RGS17: variants seen among roughly 807,000 people sequenced by gnomAD.
RGS17 encodes regulator of G protein signaling 17.
In RGS17, 12 loss-of-function variants were observed where a neutral mutation model predicts 25.5. That is an observed-to-expected ratio of 0.47 (90% confidence interval 0.30 to 0.76). The LOEUF (loss-of-function observed/expected upper bound fraction) is 0.76. Ranked by LOEUF, RGS17 falls within the 30% of genes least tolerant of loss-of-function variation. The pLI, the probability that RGS17 is intolerant of heterozygous loss-of-function variation, is 0.07. For missense variants in RGS17, 196 were observed against 242.2 expected (o/e 0.81, Z 1.27); for synonymous variants, 71 against 76.9 (o/e 0.92, Z 0.40).
chr6:153,080,836 CTGT>C (rs2129119183), intron 1 of RGS17, among the ~76,000 whole-genome samples: 2 of 150,686 alleles, frequency 1.3e-5, no homozygotes, highest in South Asian at 4.2e-4. Context: ...CTCATTTCTC[CTGT>C]TTTTTTTTTA....
chr6:153,067,815 A>ACTAG (rs1776731605), intron 1 of RGS17, among the ~76,000 whole-genome samples: 1 of 152,190 alleles, frequency 6.6e-6, no homozygotes. Flanking sequence ...GCTATCTTAA[A>ACTAG]ATTTATATGG....
intron 1 of RGS17, among the ~76,000 whole-genome samples, chr6:153,119,816 C>G (rs543008150): frequency 1.1e-4 from 17 of 152,304 alleles, no homozygotes; most frequent in African/African-American, 4.1e-4. Context: ...GAAATGTGTT[C>G]CAGGGGCACT....
intron 1 of RGS17, among the ~76,000 whole-genome samples, chr6:153,105,632 T>C (rs1562335516): frequency 1.3e-5 from 2 of 151,572 alleles, no homozygotes. Flanking sequence ...GGCAGCAGTA[T>C]GTAAGGTGAA....
At chr6:153,099,209 T>C (rs956487849) in intron 1 of RGS17, among the ~76,000 whole-genome samples, 1 of 152,230 alleles carries the variant, frequency 6.6e-6, no homozygotes, top group Non-Finnish European at 1.5e-5. Flanking sequence ...CACATACTTT[T>C]AAAATGAAAG....
intron 1 of RGS17, among the ~76,000 whole-genome samples, chr6:153,125,513 A>C (rs1777691672): frequency 1.3e-5 from 2 of 152,206 alleles, no homozygotes; most frequent in Admixed American, 1.3e-4. Context: ...CATCATTATA[A>C]ATTCTGAATT....
intron 4 of RGS17, 104 bp downstream of exon 4, chr6:153,024,155 ATCT>A (rs1779274271): frequency 4.4e-6 from 3 of 685,586 alleles, no homozygotes; most frequent in Non-Finnish European, 7.5e-6. Flanking sequence ...ACCCAGTGAA[ATCT>A]TCTACCCTCT....
intron 1 of RGS17, among the ~76,000 whole-genome samples, chr6:153,048,027 G>A (rs1234452870): frequency 6.6e-6 from 1 of 151,994 alleles, no homozygotes; most frequent in Non-Finnish European, 1.5e-5. Context: ...TGAACTCATT[G>A]AGACTTTTTT....
intron 2 of RGS17, among the ~76,000 whole-genome samples, chr6:153,029,209 T>C (rs964151497): frequency 6.6e-6 from 1 of 152,242 alleles, no homozygotes; most frequent in African/African-American, 2.4e-5. Context: ...TTGGCCACAG[T>C]CTTGCCCTGT....
At chr6:153,023,334 G>A (rs1314041038) in intron 4 of RGS17, 1 of 504,590 alleles carries the variant, frequency 2.0e-6, no homozygotes, top group Non-Finnish European at 4.0e-6. Context: ...AGTTGTTTAG[G>A]AGAAACAAAA....
At chr6:153,053,484 C>G (rs1383664756) in intron 1 of RGS17, among the ~76,000 whole-genome samples, 1 of 151,992 alleles carries the variant, frequency 6.6e-6, no homozygotes, top group Non-Finnish European at 1.5e-5. Flanking sequence ...GAAGAAAAAG[C>G]AAAATATTTA....
intron 4 of RGS17, among the ~76,000 whole-genome samples, chr6:153,018,701 T>C (rs1458877812): frequency 6.6e-6 from 1 of 152,254 alleles, no homozygotes; most frequent in Admixed American, 6.5e-5. Context: ...GATTTGTCTG[T>C]CTTCCTAAAA....
chr6:153,035,362 T>C (rs2129108750), intron 2 of RGS17, among the ~76,000 whole-genome samples: 1 of 152,072 alleles, frequency 6.6e-6, no homozygotes. Flanking sequence ...CAATTTCATT[T>C]TCACAAAAAG....
intron 1 of RGS17, among the ~76,000 whole-genome samples, chr6:153,045,458 C>G (rs951923583): frequency 1.3e-5 from 2 of 152,198 alleles, no homozygotes; most frequent in African/African-American, 4.8e-5. Flanking sequence ...TTCAGCCAAT[C>G]AGCTTATTTG....
Position 153,070,810 on chromosome 6 carries a change from C to T in RGS17, c.-25-26767G>A, listed in dbSNP as rs868591417. Among the ~76,000 whole-genome samples the T allele has an allele frequency of 3.9e-4, 59 of 150,522 alleles. No individual in the cohort carries two copies. In the Middle Eastern group the frequency reaches 0.014, roughly 36 times the overall value. Reference sequence around the variant, plus strand: ...ATATACACATACATATACATATACACATATACATATACATATATACACATA... The same window carrying T: ...ATATACACATACATATACATATACATATATACATATACATATATACACATA... On this transcript the variant is annotated intron_variant, in intron 1 of 4. Coordinates refer to ENST00000206262, the MANE Select transcript of RGS17 (RefSeq NM_012419.5).
At chr6:153,038,607 C>T (rs1439052328) in intron 2 of RGS17, among the ~76,000 whole-genome samples, 7 of 152,166 alleles carry the variant, frequency 4.6e-5, no homozygotes, top group Admixed American at 3.3e-4. Flanking sequence ...CAGAGGAAAC[C>T]ATGTATGCTC....
chr6:153,023,346 A>G (rs1779265368), intron 4 of RGS17: 1 of 507,662 alleles, frequency 2.0e-6, no homozygotes, highest in South Asian at 1.4e-5. Context: ...GAAACAAAAA[A>G]GACAAAAAGA....
At chr6:153,086,365 C>A (rs904955052) in intron 1 of RGS17, among the ~76,000 whole-genome samples, 1 of 152,038 alleles carries the variant, frequency 6.6e-6, no homozygotes, top group Admixed American at 6.6e-5. Context: ...AACAAAATAC[C>A]AGTGATGACT....
intron 1 of RGS17, among the ~76,000 whole-genome samples, chr6:153,050,742 A>G (rs1394333055): frequency 6.6e-6 from 1 of 152,224 alleles, no homozygotes; most frequent in Non-Finnish European, 1.5e-5. Context: ...TCAAACCTTT[A>G]TTTGAAGACA....
intron 1 of RGS17, among the ~76,000 whole-genome samples, chr6:153,100,310 T>C (rs2129123228): frequency 6.6e-6 from 1 of 152,354 alleles, no homozygotes; most frequent in East Asian, 1.9e-4. Flanking sequence ...ACATAGTTTA[T>C]CTGTTCTTTC....
Sources: gnomAD v4.1 joint callset for allele counts (sites outside exome capture counted in the v4.1 genomes callset) on GRCh38, gnomAD v4.1.1 for gene constraint, MANE v1.5 for transcripts, NCBI Gene and HGNC (gene_info 2026-07-23, HGNC 2026-07-21) for gene names.